NKAIN3: variants seen among roughly 807,000 people sequenced by gnomAD.
NKAIN3 encodes the protein sodium/potassium transporting ATPase interacting 3.
NKAIN3 carries 25 observed loss-of-function variants against 30.2 expected under a neutral mutation model. The observed-to-expected ratio is 0.83, with a 90% CI of 0.60 to 1.16. NKAIN3 has a LOEUF of 1.16. Among genes scored for constraint, NKAIN3 ranks in the 50% most tolerant of loss-of-function variants. The pLI is 0.00. For synonymous variants in NKAIN3, 91 were observed against 89.6 expected, an observed-to-expected ratio of 1.02 and a Z score of -0.09; for missense variants, 225 against 254.1, an observed-to-expected ratio of 0.89 and a Z score of 0.78.
chr8:62,572,781 C>A lies in NKAIN3; in HGVS notation c.55-6758C>A, dbSNP rs555928728. 7.9e-5 allele frequency among the ~76,000 whole-genome samples: 12 copies of A among 152,230 alleles called. No individual in the cohort carries two copies. The East Asian group carries it at 2.3e-3, about 29-fold the overall frequency. On this transcript the variant is annotated intron_variant, in intron 1 of 6. Transcript: ENST00000623646. ...TATCATGAGAAAAGCACAGGAAAGACCTGTCCCCATGATTCAATCATCTCC... is the reference window on the plus strand; with the variant it reads ...TATCATGAGAAAAGCACAGGAAAGAACTGTCCCCATGATTCAATCATCTCC...
intron 1 of NKAIN3, among the ~76,000 whole-genome samples, chr8:62,351,307 G>T (rs757647479): frequency 1.3e-5 from 2 of 149,606 alleles, no homozygotes; most frequent in African/African-American, 2.4e-5. Flanking sequence ...TCATCTCTAG[G>T]TTATTTATAA....
intron 1 of NKAIN3, among the ~76,000 whole-genome samples, chr8:62,450,333 G>T (rs1389491114): frequency 6.6e-6 from 1 of 152,104 alleles, no homozygotes; most frequent in Non-Finnish European, 1.5e-5. Flanking sequence ...CATTCAAAAA[G>T]TATGGTTTTC....
chr8:62,329,457 G>A (rs988297303), intron 1 of NKAIN3, among the ~76,000 whole-genome samples: 4 of 152,068 alleles, frequency 2.6e-5, no homozygotes, highest in South Asian at 2.1e-4. Flanking sequence ...CGGAAGAATC[G>A]TACCCAACAG....
intron 1 of NKAIN3, among the ~76,000 whole-genome samples, chr8:62,308,851 A>G (rs1039671248): frequency 5.3e-5 from 8 of 150,566 alleles, no homozygotes; most frequent in African/African-American, 2.0e-4. Context: ...CTTGCATTTT[A>G]CAGCTGAAGG....
At chr8:62,318,207 A>T (rs546236059) in intron 1 of NKAIN3, among the ~76,000 whole-genome samples, 1 of 152,294 alleles carries the variant, frequency 6.6e-6, no homozygotes, top group South Asian at 2.1e-4. Flanking sequence ...CTAGATATGC[A>T]ATCATGTCAT....
chr8:62,620,447 G>A (rs1335546304), intron 3 of NKAIN3, among the ~76,000 whole-genome samples: 2 of 152,064 alleles, frequency 1.3e-5, no homozygotes, highest in Non-Finnish European at 2.9e-5. Flanking sequence ...ATATTTGGGG[G>A]TAGTGTGTCC....
At chr8:62,864,148 GC>G (rs939348829) in intron 4 of NKAIN3, 1 of 623,664 alleles carries the variant, frequency 1.6e-6, no homozygotes, top group African/African-American at 1.8e-5. Context: ...GCGGAAACCA[GC>G]CGGGCTGCGG....
chr8:62,803,027 A>T (rs898934790), intron 4 of NKAIN3, among the ~76,000 whole-genome samples: 2 of 152,216 alleles, frequency 1.3e-5, no homozygotes, highest in African/African-American at 4.8e-5. Flanking sequence ...AGGCCATTAT[A>T]TAATGGTAAA....
chr8:62,322,311 G>T (rs575559154), intron 1 of NKAIN3, among the ~76,000 whole-genome samples: 1 of 152,048 alleles, frequency 6.6e-6, no homozygotes, highest in Non-Finnish European at 1.5e-5. Flanking sequence ...TTCGGCTCAC[G>T]CTCGGTGCAC....
intron 3 of NKAIN3, among the ~76,000 whole-genome samples, chr8:62,740,463 C>CA (rs893480438): frequency 5.3e-5 from 8 of 151,348 alleles, no homozygotes; most frequent in African/African-American, 1.9e-4. Context: ...AGGAGAAAGG[C>CA]AAAAAAATGA....
intron 3 of NKAIN3, among the ~76,000 whole-genome samples, chr8:62,715,537 A>C (rs1438403887): frequency 6.6e-6 from 1 of 152,190 alleles, no homozygotes; most frequent in Non-Finnish European, 1.5e-5. Flanking sequence ...TCAGTACCTC[A>C]GTTTCCTCAT....
At chr8:62,962,502 C>T (rs1823597279) in intron 6 of NKAIN3, among the ~76,000 whole-genome samples, 1 of 152,190 alleles carries the variant, frequency 6.6e-6, no homozygotes, top group Admixed American at 6.5e-5. Context: ...AAATTCTTAC[C>T]AATTGAGCAG....
At chr8:62,530,261 A>T (rs1018598420) in intron 1 of NKAIN3, among the ~76,000 whole-genome samples, 1 of 152,160 alleles carries the variant, frequency 6.6e-6, no homozygotes, top group African/African-American at 2.4e-5. Context: ...ATCTTTAGCA[A>T]GATGATGTAA....
intron 3 of NKAIN3, among the ~76,000 whole-genome samples, chr8:62,718,536 C>T (rs1177562916): frequency 1.3e-5 from 2 of 152,086 alleles, no homozygotes; most frequent in African/African-American, 4.8e-5. Context: ...TGTGTAAGCA[C>T]AGTATTATTT....
At chr8:62,791,665 C>T (rs996270212) in intron 4 of NKAIN3, among the ~76,000 whole-genome samples, 1 of 152,074 alleles carries the variant, frequency 6.6e-6, no homozygotes, top group African/African-American at 2.4e-5. Context: ...GTTTCTAACA[C>T]TGTAAATGCC....
At chr8:62,831,455 G>A (rs965317430) in intron 4 of NKAIN3, among the ~76,000 whole-genome samples, 1 of 151,970 alleles carries the variant, frequency 6.6e-6, no homozygotes, top group Non-Finnish European at 1.5e-5. Context: ...TGAGATCCAA[G>A]ACAAGTTTGA....
rs545051562 is a variant in NKAIN3 at position 62,307,417 on chromosome 8, T to A, written c.54+58290T>A. ...TCCTCTGTCCCTATCTCTCTGCCCT[T>A]TTATATATTTAATTTTCTTCTTTCC... On this transcript the variant is annotated intron_variant, in intron 1 of 6. Coordinates refer to ENST00000623646, the MANE Select transcript of NKAIN3 (RefSeq NM_001304533.3). Among the ~76,000 whole-genome samples, 3 of 150,120 alleles carry A rather than the reference T, an allele frequency of 2.0e-5. No individual in the cohort carries two copies. The South Asian group carries it at 6.2e-4, about 31-fold the overall frequency.
chr8:62,634,054 A>C (rs1278047329), intron 3 of NKAIN3, among the ~76,000 whole-genome samples: 1 of 152,156 alleles, frequency 6.6e-6, no homozygotes, highest in Non-Finnish European at 1.5e-5. Flanking sequence ...TAAGAAATGC[A>C]ATTGAAACCA....
intron 2 of NKAIN3, among the ~76,000 whole-genome samples, chr8:62,581,044 A>G (rs1306545591): frequency 6.7e-6 from 1 of 150,290 alleles, no homozygotes; most frequent in East Asian, 1.9e-4. Context: ...TCAAAGCTGC[A>G]GTAAGCCATG....
Sources: allele counts gnomAD v4.1 joint callset (sites outside exome capture counted in the v4.1 genomes callset), GRCh38; gene constraint gnomAD v4.1.1; transcripts MANE v1.5; gene names NCBI Gene and HGNC (gene_info 2026-07-23, HGNC 2026-07-21).